The following DNAH17 variants were observed in gnomAD, a reference collection of about 807,000 sequenced individuals.
The protein encoded by DNAH17 is dynein axonemal heavy chain 17.
Under a neutral mutation model 485.6 loss-of-function variants are expected in DNAH17, and 376 were observed. That is an observed-to-expected ratio of 0.77 (90% CI 0.71 to 0.84). The LOEUF is 0.84. Among genes scored for constraint, DNAH17 ranks in the 40% least tolerant of loss-of-function variants. The probability of loss-of-function intolerance (pLI) is 0.00; values close to 1 mark genes in which losing one functional copy is unlikely to be tolerated. For missense variants in DNAH17, 6,370 were observed against 5,839.3 expected (o/e 1.09, Z -2.96); for synonymous variants, 3,031 against 2,405.9 (o/e 1.26, Z -7.60).
At chr17:78,532,956 T>C (rs949322658) in intron 19 of DNAH17, 11 of 513,312 alleles carry the variant, frequency 2.1e-5, no homozygotes, top group African/African-American at 3.9e-5. Context: ...CCAAACTTAG[T>C]GGATAGCACA....
In DNAH17 at chr17:78,451,499, G is replaced by C; in HGVS notation, c.10704C>G (p.Ala3568=). The C allele has an allele frequency of 6.2e-7, 1 of 1,613,156 alleles. No homozygotes were observed. Among genetic ancestry groups the C allele is most frequent in the Non-Finnish European group, 8.5e-7 (1 of 1,179,504 alleles). ...GCTGTTCCAGATCTGGGCGCTCTTT[G>C]GCCACCACAGCGGCCAAGAGTTGGT... The part of the protein sequence containing the change: ...LEDQLLAAVV[A]KERPDLEQLK... The change falls in exon 66 of 81, where the codon GCC becomes GCG. Residue 3568 remains alanine (A), a synonymous_variant. Coordinates refer to ENST00000389840, the MANE Select transcript of DNAH17 (RefSeq NM_173628.4).
chr17:78,484,745 C>G lies in DNAH17; in HGVS notation c.7649+123G>C, dbSNP rs573842646. On this transcript the variant is annotated intron_variant, in intron 48 of 80. Coordinates refer to ENST00000389840, the MANE Select transcript of DNAH17 (RefSeq NM_173628.4). The stretch of plus-strand genomic sequence containing the variant: ...TCCCTACCCACGTTGCAGCACCCCC[C>G]CCACCGCCCCACACCAGTCCTGCCC... The G allele has an allele frequency of 7.5e-5, 33 of 438,124 alleles. 3 individuals carry two copies. Among genetic ancestry groups the G allele is most frequent in the Middle Eastern group, 1.6e-3 (2 of 1,262 alleles). The allele number at this position is 438,124 out of a possible 1,614,324, so 27.1% of individuals were successfully genotyped here.
At position 78,561,774 on chromosome 17, in the gene DNAH17, G is replaced by A. The variant is rs1412217313; in HGVS notation, c.1776C>T (p.Ser592=). The change falls in exon 12 of 81, where the codon AGC becomes AGT. Residue 592 remains serine, a synonymous_variant. Coordinates refer to ENST00000389840, the MANE Select transcript of DNAH17 (RefSeq NM_173628.4). ...CCTCTAGCCTCTCCTGCAGCTCCAG[G>A]CTCCATTTGAGCTGCCCGGCCACGG... ...MPPVAGQLKW[S]LELQERLEVS... 1.9e-6 allele frequency: 3 copies of A among 1,613,152 alleles called. No homozygotes were observed. In the African/African-American group the frequency reaches 4.0e-5, roughly 22 times the overall value.
intron 2 of DNAH17, among the ~76,000 whole-genome samples, chr17:78,574,185 G>A (rs927798770): frequency 6.6e-6 from 1 of 152,172 alleles, no homozygotes; most frequent in Non-Finnish European, 1.5e-5. Flanking sequence ...CCACCTGGAG[G>A]TCTTGTTAGA....
chr17:78,543,983 G>A lies in DNAH17; in HGVS notation c.2406C>T (p.Asn802=), dbSNP rs1274360748. 3.7e-6 allele frequency: 6 copies of A among 1,614,006 alleles called. No homozygotes were observed. In the African/African-American group the frequency reaches 5.3e-5, roughly 14 times the overall value. ...TATTGTCCTTTCTTTCAAACAGCGG[G>A]TTGGCCGACCAGTCCTGGAAGGAAA... ...ISQAMKDWSA[N]PLFERKDNKK... The change falls in exon 17 of 81, where the codon AAC becomes AAT. Residue 802 remains asparagine (N), a synonymous_variant. Coordinates refer to ENST00000389840, the MANE Select transcript of DNAH17 (RefSeq NM_173628.4).
intron 80 of DNAH17, 22 bp from the exon 81 acceptor site, chr17:78,424,175 G>A: frequency 3.1e-6 from 5 of 1,593,156 alleles, no homozygotes; most frequent in Non-Finnish European, 4.3e-6. Flanking sequence ...GTATGGCTGA[G>A]GGTCAGGTGT....
At chr17:78,545,132 T>G (rs570511552) in intron 16 of DNAH17, among the ~76,000 whole-genome samples, 2 of 152,196 alleles carry the variant, frequency 1.3e-5, no homozygotes, top group Non-Finnish European at 2.9e-5. Context: ...GGGTGAACGA[T>G]GAAGACTTAG....
At chr17:78,493,524 G>A (rs2089948980) in intron 41 of DNAH17, among the ~76,000 whole-genome samples, 1 of 152,262 alleles carries the variant, frequency 6.6e-6, no homozygotes, top group Non-Finnish European at 1.5e-5. Context: ...TGCGGCCTCT[G>A]CCTTTTAAAA....
Position 78,455,681 on chromosome 17 carries a change from A to G in DNAH17, c.10133T>C (p.Met3378Thr). 1 of 1,571,666 alleles carries G rather than the reference A, an allele frequency of 6.4e-7. No individual in the cohort carries two copies. Among genetic ancestry groups the G allele is most frequent in the Non-Finnish European group, 8.6e-7 (1 of 1,158,914 alleles). ...YFTKKYRNELMEKFWIPYIHN... is the reference protein window; with the variant it reads ...YFTKKYRNELTEKFWIPYIHN... ...TATGTAAGGGATCCAGAATTTCTCC[A>G]TCAGCTCATTCCGGTATTTCTTGGT... Residue 3378 changes from methionine to threonine, a missense_variant, in exon 63 of 81, where the codon ATG (methionine) becomes ACG (threonine). Physicochemically the swap from Met to Thr is moderately conservative, Grantham distance 81. Coordinates refer to ENST00000389840, the MANE Select transcript of DNAH17 (RefSeq NM_173628.4).
chr17:78,429,845 C>T (rs2086613032), intron 75 of DNAH17, among the ~76,000 whole-genome samples: 1 of 152,192 alleles, frequency 6.6e-6, no homozygotes, highest in South Asian at 2.1e-4. Flanking sequence ...CCCTTCCACC[C>T]TGTGGAAGTA....
chr17:78,500,494 G>C (rs769328059), intron 35 of DNAH17, 33 bp from the exon 36 acceptor site: 1 of 1,534,236 alleles, frequency 6.5e-7, no homozygotes. Context: ...GTGTGTGCCA[G>C]CGACCCCATG....
chr17:78,507,419 C>A lies in DNAH17; in HGVS notation c.4584+39G>T, dbSNP rs768073684. ...GGCATTAGGGATCGCCACACACAGTCATTTCTGAAGTGCGTGGGAACCACC... is the reference window on the plus strand; with the variant it reads ...GGCATTAGGGATCGCCACACACAGTAATTTCTGAAGTGCGTGGGAACCACC... On this transcript the variant is annotated intron_variant, in intron 28 of 80. Transcript: ENST00000389840. 14 of 1,613,614 alleles carry A rather than the reference C, an allele frequency of 8.7e-6. No individual in the cohort carries two copies. In the African/African-American group the frequency reaches 1.7e-4, roughly 20 times the overall value.
chr17:78,462,829 G>GC lies in DNAH17; in HGVS notation c.9174+14dup. On this transcript the variant is annotated intron_variant, in intron 57 of 80. Coordinates refer to ENST00000389840, the MANE Select transcript of DNAH17 (RefSeq NM_173628.4). ...GGAACGGCACAGGAGCTGGCAGCCA[G>GC]CCCCCCTCTCCTACCTGGGAAGCCG... The GC allele has an allele frequency of 3.7e-6, 6 of 1,613,266 alleles. No individual in the cohort carries two copies. The highest frequency in any genetic ancestry group is 5.1e-6 in the Non-Finnish European group (6 of 1,179,550).
At chr17:78,521,848 G>A (rs2090942360) in intron 25 of DNAH17, among the ~76,000 whole-genome samples, 1 of 152,242 alleles carries the variant, frequency 6.6e-6, no homozygotes, top group South Asian at 2.1e-4. Context: ...TTAGCCAAGT[G>A]TGGTGGCGTG....
rs764172324 is a variant in DNAH17 at position 78,569,154 on chromosome 17, TTC to T, written c.1284+10_1284+11del. The T allele has an allele frequency of 3.8e-6, 6 of 1,584,484 alleles. No individual in the cohort carries two copies. The highest frequency in any genetic ancestry group is 1.2e-5 in the South Asian group (1 of 86,754). On this transcript the variant is annotated intron_variant, in intron 9 of 80. Transcript: ENST00000389840. ...GAAGTGGAGGTCAAGATGCACCGAG[TTC>T]TGTTTTTACCTCAATGGTCTGGATG... is the stretch of plus-strand genomic sequence containing the variant.
chr17:78,527,698 A>G (rs1167285846), intron 22 of DNAH17, among the ~76,000 whole-genome samples: 3 of 152,170 alleles, frequency 2.0e-5, no homozygotes, highest in African/African-American at 2.4e-5. Context: ...CATTTCCAGA[A>G]TGGCTGCAAC....
In DNAH17 at chr17:78,479,199, G is replaced by A; in HGVS notation, c.7901-83C>T. The A allele has an allele frequency of 2.9e-6, 4 of 1,379,828 alleles. No individual in the cohort carries two copies. In the South Asian group the frequency reaches 5.0e-5, roughly 17 times the overall value. 85.5% of individuals were successfully genotyped at this position (1,379,828 alleles called of 1,614,324 possible). A position where few individuals can be genotyped will look rare whatever the true frequency, so the allele number is the denominator to read the frequency against. On this transcript the variant is annotated intron_variant, in intron 50 of 80. Coordinates refer to ENST00000389840, the MANE Select transcript of DNAH17 (RefSeq NM_173628.4). ...CAAGCCTCAAGTTTCTAAAGCCAAT[G>A]GACTACGAAATGGTGACAACTGGAG... is the stretch of plus-strand genomic sequence containing the variant.
chr17:78,480,334 G>A (rs551008649), intron 49 of DNAH17, among the ~76,000 whole-genome samples: 2 of 152,054 alleles, frequency 1.3e-5, no homozygotes, highest in African/African-American at 4.8e-5. Flanking sequence ...GGGTGACAGA[G>A]TGAGACTCAG....
At chr17:78,453,933 C>A (rs1195501452) in intron 64 of DNAH17, among the ~76,000 whole-genome samples, 1 of 152,080 alleles carries the variant, frequency 6.6e-6, no homozygotes, top group Non-Finnish European at 1.5e-5. Context: ...GGCTCAAACT[C>A]CTGAGCTCAA....
Sources: allele counts gnomAD v4.1 joint callset (sites outside exome capture counted in the v4.1 genomes callset), GRCh38; gene constraint gnomAD v4.1.1; transcripts MANE v1.5; gene names NCBI Gene and HGNC (gene_info 2026-07-23, HGNC 2026-07-21).